The following CPSF1 variants were observed in gnomAD, a reference collection of about 807,000 sequenced individuals.
CPSF1 encodes the protein cleavage and polyadenylation specific factor 1, also known as cleavage and polyadenylation specificity factor subunit 1.
A neutral mutation model predicts 175.8 loss-of-function variants in CPSF1; 106 were observed. The observed-to-expected ratio is 0.60, with a 90% CI of 0.52 to 0.71. CPSF1 has a LOEUF of 0.71. Among genes scored for constraint, CPSF1 ranks in the 30% least tolerant of loss-of-function variants. The pLI is 0.00. For synonymous variants in CPSF1, 1,024 were observed against 858.3 expected (o/e 1.19, Z -3.37); for missense variants, 1,734 against 2,022.9 (o/e 0.86, Z 2.74).
Position 144,394,807 on chromosome 8 carries a change from T to C in CPSF1, c.3415-11A>G, listed in dbSNP as rs782281997. 1.9e-6 allele frequency: 3 copies of C among 1,613,418 alleles called. No individual in the cohort carries two copies. The highest frequency in any genetic ancestry group is 1.1e-5 in the South Asian group (1 of 91,084). On this transcript the variant is annotated splice_polypyrimidine_tract_variant and intron_variant, in intron 30 of 37. Coordinates refer to ENST00000616140, the MANE Select transcript of CPSF1 (RefSeq NM_013291.3). ...ATCCATGATCAAGATCTGGAGGGCA[T>C]GGGTATGGCTGTGGGATGGCTGTGG...
rs782507838 is a variant in CPSF1 at position 144,394,951 on chromosome 8, C to T, written c.3345G>A (p.Ser1115=). The part of the protein sequence containing the change: ...TVSLRSEETV[S]GLKGYVAAGT... ...CGGCGGCCACGTAGCCTTTGAGGCC[C>T]GACACGGTCTCCTCACTGCGCAGAG... The change falls in exon 30 of 38, where the codon TCG becomes TCA. Residue 1115 remains serine (S), a synonymous_variant. Coordinates refer to ENST00000616140, the MANE Select transcript of CPSF1 (RefSeq NM_013291.3). 1.9e-6 allele frequency: 3 copies of T among 1,612,980 alleles called. No homozygotes were observed. The highest frequency in any genetic ancestry group is 3.3e-5 in the Admixed American group (2 of 60,010).
chr8:144,400,143 C>CCCG lies in CPSF1; in HGVS notation c.937+22_937+23insCGG, dbSNP rs1387554703. The CCCG allele has an allele frequency of 1.5e-4, 181 of 1,222,400 alleles. 1 individual carries two copies. Among genetic ancestry groups the CCCG allele is most frequent in the Non-Finnish European group, 1.9e-4 (166 of 882,552 alleles). The allele number at this position is 1,222,400 out of a possible 1,614,324, so 75.7% of individuals were successfully genotyped here. On this transcript the variant is annotated intron_variant, in intron 9 of 37. Transcript: ENST00000616140. ...GCCCAAGCCGTCCCCGGGCCCCCCC[C>CCCG]GCCCCAGCCACCCCACACTCACGAA...
rs1554863684 is a variant in CPSF1 at position 144,396,354 on chromosome 8, G to A, written c.2973C>T (p.Asn991=). 6.3e-7 allele frequency: 1 copy of A among 1,585,756 alleles called. No individual in the cohort carries two copies. The highest frequency in any genetic ancestry group is 8.6e-7 in the Non-Finnish European group (1 of 1,169,192). ...VNCPRGFLYF[N]RQGELRISVL... The stretch of plus-strand genomic sequence containing the variant: ...GGAACCGGCCGGGCCCCACCTGTCT[G>A]TTGAAGTACAGGAAGCCGCGGGGAC... The change falls in exon 26 of 38, where the codon AAC becomes AAT. Residue 991 remains asparagine, a synonymous_variant. Transcript: ENST00000616140.
At position 144,400,911 on chromosome 8, in the gene CPSF1, A is replaced by G. The variant is rs1821165777; in HGVS notation, c.539+13T>C. ...CCACCCCAGCACCACAGCCTGCCTC[A>G]GCTGGCACTCACCCCTCACCCACGA... is the stretch of plus-strand genomic sequence containing the variant. On this transcript the variant is annotated intron_variant, in intron 6 of 37. Coordinates refer to ENST00000616140, the MANE Select transcript of CPSF1 (RefSeq NM_013291.3). 1.2e-6 allele frequency: 2 copies of G among 1,603,022 alleles called. No individual in the cohort carries two copies. Among genetic ancestry groups the G allele is most frequent in the African/African-American group, 1.3e-5 (1 of 74,952 alleles).
chr8:144,406,478 C>CTT (rs1554869116), intron 2 of CPSF1, among the ~76,000 whole-genome samples: 1 of 152,228 alleles, frequency 6.6e-6, no homozygotes, highest in Admixed American at 6.5e-5. Context: ...ACCTCCAGCT[C>CTT]TTTCATGGCC....
Position 144,394,671 on chromosome 8 carries a change from G to A in CPSF1, c.3540C>T (p.Gly1180=), listed in dbSNP as rs1554862908. 1.9e-6 allele frequency: 3 copies of A among 1,610,804 alleles called. No homozygotes were observed. The highest frequency in any genetic ancestry group is 3.3e-4 in the Middle Eastern group (2 of 6,060). ...GPVTALCHCN[G]HLVSAIGQKI... ...TCTGGCCGATGGCCGACACCAGGTG[G>A]CCATTGCAGTGGCACAGGGCGGTCA... The change falls in exon 31 of 38, where the codon GGC becomes GGT. Residue 1180 remains glycine, a synonymous_variant. Transcript: ENST00000616140.
chr8:144,399,222 A>C lies in CPSF1; in HGVS notation c.1393-20T>G. On this transcript the variant is annotated intron_variant, in intron 14 of 37. Coordinates refer to ENST00000616140, the MANE Select transcript of CPSF1 (RefSeq NM_013291.3). The surrounding 1 kb of genome is among the most constrained non-coding windows in gnomAD (Gnocchi z 6.4). The stretch of plus-strand genomic sequence containing the variant: ...ACACACCTGCGGCACAGCAAGAGTC[A>C]GGGGCCCGCTGGGGGCGCTGGCTGG... 1 of 1,611,428 alleles carries C rather than the reference A, an allele frequency of 6.2e-7. No homozygotes were observed. The highest frequency in any genetic ancestry group is 8.5e-7 in the Non-Finnish European group (1 of 1,179,444).
In CPSF1 at chr8:144,397,837, C is replaced by T. The variant is rs782691908; in HGVS notation, c.2116G>A (p.Gly706Ser). The change falls in exon 21 of 38, where the codon GGC becomes AGC. Residue 706 changes from glycine to serine, a missense_variant. Physicochemically the swap from Gly to Ser is moderately conservative, Grantham distance 56 (BLOSUM62 0). This residue lies in a region of CPSF1 where 585 missense variants were observed against 584.7 expected (regional missense o/e 1.00). Transcript: ENST00000616140. ...ITLCLYRDLS[G>S]MFTTESRLGG... ...AGGCGGCTCTCAGTGGTGAACATGC[C>T]GCTGAGGTCTCGGTACAGGCACAGC... 1.6e-5 allele frequency: 26 copies of T among 1,611,206 alleles called. No homozygotes were observed. The highest frequency in any genetic ancestry group is 3.3e-5 in the Admixed American group (2 of 59,944).
At chr8:144,396,289 C>G (rs1399953084) in intron 26 of CPSF1, 59 bp downstream of exon 26, 2 of 1,518,616 alleles carry the variant, frequency 1.3e-6, no homozygotes, top group Non-Finnish European at 1.8e-6. Flanking sequence ...GTCCCCTCCC[C>G]CTCAGCCCCC....
intron 25 of CPSF1, 25 bp downstream of exon 25, chr8:144,396,573 G>A: frequency 1.2e-6 from 2 of 1,609,752 alleles, no homozygotes; most frequent in Non-Finnish European, 1.7e-6. Flanking sequence ...TTCTACCACA[G>A]ACCCCTGCAA....
intron 2 of CPSF1, among the ~76,000 whole-genome samples, chr8:144,404,917 C>T (rs1423077864): frequency 2.0e-5 from 3 of 151,482 alleles, no homozygotes; most frequent in African/African-American, 4.9e-5. Flanking sequence ...ATTAGTCGGG[C>T]GCCTGTAGTC....
Position 144,409,150 on chromosome 8 carries a change from G to A in CPSF1, c.9C>T (p.Ala3=), listed in dbSNP as rs2116913482. The A allele has an allele frequency of 1.2e-6, 2 of 1,609,842 alleles. No homozygotes were observed. The highest frequency in any genetic ancestry group is 1.7e-6 in the Non-Finnish European group (2 of 1,178,468). MY[A]VYKQAHPPTG... ...TGGGCGGATGCGCCTGTTTGTACAC[G>A]GCGTACATGGCGCCAACCCGGGCTG... Residue 3 remains alanine (A), a synonymous_variant, in exon 2 of 38, where the codon GCC becomes GCT. Transcript: ENST00000616140.
intron 2 of CPSF1, among the ~76,000 whole-genome samples, chr8:144,404,052 G>A (rs1554868203): frequency 6.6e-6 from 1 of 151,158 alleles, no homozygotes; most frequent in African/African-American, 2.4e-5. Flanking sequence ...GTGAAATCCC[G>A]TCTCTACTAA....
chr8:144,400,981 A>C lies in CPSF1; in HGVS notation c.482T>G (p.Val161Gly), dbSNP rs1554866686. Residue 161 changes from valine (V) to glycine (G), a missense_variant, in exon 6 of 38, where the codon GTC becomes GGC. Around this residue, in one of 10 missense-constraint regions of CPSF1, gnomAD observed 122 missense variants for 177.2 expected, o/e 0.69. Coordinates refer to ENST00000616140, the MANE Select transcript of CPSF1 (RefSeq NM_013291.3). The stretch of plus-strand genomic sequence containing the variant: ...CAGGCTCTCCCTGCGGAAGGGCAGG[A>C]CCACCAGCCGCGTGCCGTAGACAAG... ...AMLVYGTRLV[V>G]LPFRRESLAE... The C allele has an allele frequency of 6.2e-7, 1 of 1,610,304 alleles. No homozygotes were observed. The highest frequency in any genetic ancestry group is 8.5e-7 in the Non-Finnish European group (1 of 1,178,508).
Position 144,401,090 on chromosome 8 carries a change from G to A in CPSF1, c.388-15C>T, listed in dbSNP as rs2116881256. On this transcript the variant is annotated splice_polypyrimidine_tract_variant and intron_variant, in intron 5 of 37. Coordinates refer to ENST00000616140, the MANE Select transcript of CPSF1 (RefSeq NM_013291.3). ...ACAAACCCGTCCTGGGGGCAGAGGG[G>A]GCATCAGCCAGGCCCAGCATAGGAG... 4 of 1,605,262 alleles carry A rather than the reference G, an allele frequency of 2.5e-6. No homozygotes were observed. The highest frequency in any genetic ancestry group is 2.6e-6 in the Non-Finnish European group (3 of 1,175,364).
chr8:144,398,167 A>AGGGCCCAACCACCTCCCCG (rs61412847), intron 19 of CPSF1, 35 bp from the exon 20 acceptor site: 87,149 of 534,356 alleles, frequency 0.16, 5,697 homozygotes, highest in East Asian at 0.45. Flanking sequence ...GCGCCTCCCC[A>AGGGCCCAACCACCTCCCCG]CCACCGTCCC....
In CPSF1 at chr8:144,393,693, G is replaced by C; in HGVS notation, c.4119C>G (p.His1373Gln). 1 of 1,563,868 alleles carries C rather than the reference G, an allele frequency of 6.4e-7. No homozygotes were observed. The highest frequency in any genetic ancestry group is 1.2e-5 in the South Asian group (1 of 86,280). ...GGAAGGCGCGGGGGTTGAGGCCGGC[G>C]TGGTGTGGCAGCATGGTGGTCAGCG... ...QNALTTMLPH[H>Q]AGLNPRAFRM... Residue 1373 changes from histidine (H) to glutamine (Q), a missense_variant, in exon 36 of 38, where the codon CAC becomes CAG. Physicochemically the swap from His to Gln is conservative, Grantham distance 24. Coordinates refer to ENST00000616140, the MANE Select transcript of CPSF1 (RefSeq NM_013291.3).
At position 144,398,137 on chromosome 8, in the gene CPSF1, A is replaced by G. The variant is rs1820895631; in HGVS notation, c.1895-5T>C. On this transcript the variant is annotated splice_polypyrimidine_tract_variant and splice_region_variant and intron_variant, in intron 19 of 37. Transcript: ENST00000616140. ...GGATGAAGTGCAGCTGATTCACTGT[A>G]GGCATGGGGCAGTCAGCATGCGCCT... 2.0e-6 allele frequency: 3 copies of G among 1,469,838 alleles called. No individual in the cohort carries two copies. Among genetic ancestry groups the G allele is most frequent in the South Asian group, 1.3e-5 (1 of 76,202 alleles). 91.0% of individuals were successfully genotyped at this position (1,469,838 alleles called of 1,614,324 possible). A position where few individuals can be genotyped will look rare whatever the true frequency, so the allele number is the denominator to read the frequency against.
At chr8:144,396,161 C>T (rs1586613637) in intron 26 of CPSF1, 187 bp downstream of exon 26, 2 of 650,516 alleles carry the variant, frequency 3.1e-6, no homozygotes, top group East Asian at 5.6e-5. Flanking sequence ...CTCCCAACCA[C>T]CCCTTTCCAG....
Sources: gnomAD v4.1 joint callset for allele counts (sites outside exome capture counted in the v4.1 genomes callset) on GRCh38, gnomAD v4.1.1 for gene constraint, gnomAD v4.1.1 regional missense constraint, Gnocchi (gnomAD v3.1) non-coding constraint, MANE v1.5 for transcripts, NCBI Gene and HGNC (gene_info 2026-07-23, HGNC 2026-07-21) for gene names.